The following SGIP1 variants were observed in gnomAD, a reference collection of about 807,000 sequenced individuals.
SGIP1 encodes the protein SH3-containing GRB2-like protein 3-interacting protein 1.
SGIP1 carries 38 observed loss-of-function variants against 107.5 expected under a neutral mutation model. The observed-to-expected ratio is 0.35, with a 90% CI of 0.27 to 0.46. The LOEUF is 0.46. Among genes scored for constraint, SGIP1 ranks in the 20% least tolerant of loss-of-function variants. SGIP1 has a pLI of 1.00. For synonymous variants in SGIP1, 365 were observed against 366.1 expected (o/e 1.00, Z 0.03); for missense variants, 929 against 1,019.5 (o/e 0.91, Z 1.21).
rs138838148 is a variant in SGIP1 at position 66,689,425 on chromosome 1, A to G, written c.1443+150A>G. The G allele has an allele frequency of 5.6e-5, 56 of 991,740 alleles. 1 individual carries two copies. Among genetic ancestry groups the G allele is most frequent in the Middle Eastern group, 6.6e-4 (2 of 3,018 alleles). The allele number at this position is 991,740 out of a possible 1,614,324, so 61.4% of individuals were successfully genotyped here. A position where few individuals can be genotyped will look rare whatever the true frequency, so the allele number is the denominator to read the frequency against. On this transcript the variant is annotated intron_variant, in intron 16 of 24. Coordinates refer to ENST00000371037, the MANE Select transcript of SGIP1 (RefSeq NM_032291.4). ...GACAGTCACTGCGGTATGAGTGTACATTTCAACCCTCCTCAAATTTCTACC... is the reference window on the plus strand; with the variant it reads ...GACAGTCACTGCGGTATGAGTGTACGTTTCAACCCTCCTCAAATTTCTACC...
intron 21 of SGIP1, among the ~76,000 whole-genome samples, chr1:66,735,446 C>A (rs1355427603): frequency 1.3e-5 from 2 of 152,046 alleles, no homozygotes; most frequent in Non-Finnish European, 2.9e-5. Flanking sequence ...AACTCCCAGC[C>A]TCAGATGATC....
intron 1 of SGIP1, among the ~76,000 whole-genome samples, chr1:66,600,234 G>A (rs536419434): frequency 7.9e-5 from 12 of 152,190 alleles, no homozygotes; most frequent in Non-Finnish European, 1.6e-4. Context: ...TACCGAAGTT[G>A]TGTGATTATG....
rs2094605689 is a variant in SGIP1 at position 66,750,061 on chromosome 1, GTGTGTGTC to G, written c.*6968_*6975del. On this transcript the variant is annotated 3_prime_UTR_variant, in exon 25 of 25. Transcript: ENST00000371037. ...GGTGTGTGTGTGTGTGTGTGTGTGT[GTGTGTGTC>G]TCTTTCCTCTCTGTCTAAGGGGAAT... Among the ~76,000 whole-genome samples the G allele has an allele frequency of 4.8e-5, 7 of 146,728 alleles. No individual in the cohort carries two copies. The South Asian group carries it at 8.5e-4, about 18-fold the overall frequency.
intron 1 of SGIP1, among the ~76,000 whole-genome samples, chr1:66,599,486 C>T (rs1233981165): frequency 6.6e-6 from 1 of 152,112 alleles, no homozygotes; most frequent in African/African-American, 2.4e-5. Context: ...CAAACAAAAT[C>T]CTGGTGTCCT....
Position 66,534,170 on chromosome 1 carries a change from C to A in SGIP1, c.-189C>A, listed in dbSNP as rs908389714. On this transcript the variant is annotated 5_prime_UTR_variant, in exon 1 of 25. Coordinates refer to ENST00000371037, the MANE Select transcript of SGIP1 (RefSeq NM_032291.4). The stretch of plus-strand genomic sequence containing the variant: ...CTCTCAGCATCTTCTTGGTAGCCTG[C>A]CTGTAGGTGAAGAAGCACCAGCAGC... 7.0e-5 allele frequency: 44 copies of A among 627,382 alleles called. No homozygotes were observed. Among genetic ancestry groups the A allele is most frequent in the African/African-American group, 7.0e-4 (38 of 54,396 alleles). The allele number at this position is 627,382 out of a possible 1,614,324, so 38.9% of individuals were successfully genotyped here.
intron 8 of SGIP1, among the ~76,000 whole-genome samples, chr1:66,667,272 G>A (rs1176640029): frequency 6.6e-6 from 1 of 151,908 alleles, no homozygotes; most frequent in African/African-American, 2.4e-5. Flanking sequence ...TTGTTCTTAT[G>A]TACACATAAC....
intron 1 of SGIP1, among the ~76,000 whole-genome samples, chr1:66,591,210 A>G (rs2063564591): frequency 6.6e-6 from 1 of 152,168 alleles, no homozygotes. Flanking sequence ...GAAATATCTT[A>G]CCAAACCATT....
At chr1:66,709,569 A>G (rs1362269359) in intron 18 of SGIP1, among the ~76,000 whole-genome samples, 1 of 152,186 alleles carries the variant, frequency 6.6e-6, no homozygotes, top group Non-Finnish European at 1.5e-5. Context: ...CATAAAAGAC[A>G]GTACCTAGCT....
chr1:66,692,359 A>G (rs1277842494), intron 17 of SGIP1, among the ~76,000 whole-genome samples: 1 of 151,940 alleles, frequency 6.6e-6, no homozygotes, highest in Non-Finnish European at 1.5e-5. Context: ...ACATTGCTTC[A>G]TTACTAAGGA....
intron 19 of SGIP1, among the ~76,000 whole-genome samples, chr1:66,720,621 G>T (rs1222492789): frequency 6.6e-6 from 1 of 152,130 alleles, no homozygotes; most frequent in East Asian, 1.9e-4. Context: ...AGCTACTTAG[G>T]AAGTTGAGGT....
chr1:66,554,550 A>G, intron 1 of SGIP1, among the ~76,000 whole-genome samples: 1 of 152,122 alleles, frequency 6.6e-6, no homozygotes, highest in South Asian at 2.1e-4. Context: ...CTAACCTCAT[A>G]TGATAGGCCA....
intron 19 of SGIP1, among the ~76,000 whole-genome samples, chr1:66,724,801 T>A (rs2093685061): frequency 2.0e-5 from 3 of 152,224 alleles, no homozygotes; most frequent in African/African-American, 4.8e-5. Context: ...GATCTCATTT[T>A]GAGCAACTTG....
chr1:66,679,855 C>T, intron 14 of SGIP1, 103 bp downstream of exon 14: 3 of 1,053,186 alleles, frequency 2.8e-6, no homozygotes, highest in Non-Finnish European at 2.6e-6. Context: ...TACACAAAAA[C>T]ATCACAATGT....
intron 7 of SGIP1, among the ~76,000 whole-genome samples, chr1:66,659,299 G>A (rs2080403210): frequency 6.6e-6 from 1 of 152,152 alleles, no homozygotes; most frequent in Non-Finnish European, 1.5e-5. Flanking sequence ...TAAGACAGGT[G>A]CTGAGGAAGT....
rs1297499100 is a variant in SGIP1 at position 66,733,789 on chromosome 1, T to C, written c.1940T>C (p.Val647Ala). 1 of 1,613,582 alleles carries C rather than the reference T, an allele frequency of 6.2e-7. No homozygotes were observed. Among genetic ancestry groups the C allele is most frequent in the Admixed American group, 1.7e-5 (1 of 59,996 alleles). ...QNDANTKEFW[V>A]NMPNLMTHLK... The stretch of plus-strand genomic sequence containing the variant: ...GATGCCAATACCAAGGAATTCTGGG[T>C]AAACATGCCAAATTTGATGACTCAC... Residue 647 changes from valine (V) to alanine (A), a missense_variant, in exon 21 of 25, where the codon GTA becomes GCA. This residue lies in a region of SGIP1 where 341 missense variants were observed against 430.9 expected (regional missense o/e 0.79). Coordinates refer to ENST00000371037, the MANE Select transcript of SGIP1 (RefSeq NM_032291.4).
chr1:66,583,364 T>A (rs751759309), intron 1 of SGIP1, among the ~76,000 whole-genome samples: 1 of 152,052 alleles, frequency 6.6e-6, no homozygotes, highest in Non-Finnish European at 1.5e-5. Context: ...CACCCCATCC[T>A]ACTGAGTCTT....
chr1:66,639,656 T>C, intron 4 of SGIP1, 121 bp from the exon 5 acceptor site: 1 of 777,342 alleles, frequency 1.3e-6, no homozygotes, highest in Non-Finnish European at 2.2e-6. Context: ...TGCTCTAATA[T>C]GTCTTTCCAG....
chr1:66,712,049 C>G (rs1362293864), intron 18 of SGIP1, among the ~76,000 whole-genome samples: 2 of 152,100 alleles, frequency 1.3e-5, no homozygotes, highest in Non-Finnish European at 2.9e-5. Flanking sequence ...TTTTTGTTAT[C>G]TGAATTTAAG....
Position 66,744,660 on chromosome 1 carries a change from C to T in SGIP1, c.*1565C>T, listed in dbSNP as rs2094529408. ...AAATTAAATTTTTAAAGTTTTACTT[C>T]TAAAATGAGATTGTGACTGGCAATT... On this transcript the variant is annotated 3_prime_UTR_variant, in exon 25 of 25. Transcript: ENST00000371037. 1 of 152,022 alleles carries T rather than the reference C, an allele frequency of 6.6e-6. No individual in the cohort carries two copies. The highest frequency in any genetic ancestry group is 6.5e-5 in the Admixed American group (1 of 15,268). 9.4% of individuals were successfully genotyped at this position (152,022 alleles called of 1,614,324 possible). A position where few individuals can be genotyped will look rare whatever the true frequency, so the allele number is the denominator to read the frequency against.
Sources: allele counts gnomAD v4.1 joint callset (sites outside exome capture counted in the v4.1 genomes callset), GRCh38; gene constraint gnomAD v4.1.1; regional missense constraint gnomAD v4.1.1; transcripts MANE v1.5; gene names NCBI Gene and HGNC (gene_info 2026-07-23, HGNC 2026-07-21).